MORC2: variants seen among roughly 807,000 people sequenced by gnomAD.
MORC2 encodes MORC family CW-type zinc finger 2, also known as ATPase MORC2.
In MORC2, 30 loss-of-function variants were observed where a neutral mutation model predicts 136.0. That is an observed-to-expected ratio of 0.22 (90% CI 0.17 to 0.30). The LOEUF (loss-of-function observed/expected upper bound fraction) is 0.30, where lower values mean the gene tolerates loss of function less well. MORC2 is among the 10% of genes least tolerant of loss of function. The pLI is 1.00. For missense variants in MORC2, 922 were observed against 1,333.1 expected (o/e 0.69, Z 4.80); for synonymous variants, 439 against 487.0 (o/e 0.90, Z 1.30).
chr22:30,926,855 G>GTGTTGA lies in MORC2; in HGVS notation c.3041_3046dup (p.Ile1014_Asn1015dup). The GTGTTGA allele has an allele frequency of 6.2e-7, 1 of 1,613,572 alleles. No homozygotes were observed. The highest frequency in any genetic ancestry group is 2.2e-5 in the East Asian group (1 of 44,798). ...AATGTAGGCGTCCAGCTCATCATCT[G>GTGTTGA]TGTTGATGTCTATGTCCTGGAATAG... On this transcript the variant is annotated inframe_insertion, in exon 26 of 26. Transcript: ENST00000397641.
In MORC2 at chr22:30,942,093, A is replaced by C. The variant is rs2040749900; in HGVS notation, c.586+19T>G. 6.2e-7 allele frequency: 1 copy of C among 1,612,252 alleles called. No individual in the cohort carries two copies. Among genetic ancestry groups the C allele is most frequent in the Non-Finnish European group, 8.5e-7 (1 of 1,178,422 alleles). On this transcript the variant is annotated intron_variant, in intron 7 of 25. Coordinates refer to ENST00000397641, the MANE Select transcript of MORC2 (RefSeq NM_001303256.3). ...GGAGCTCCCAGATTCTAGGGGCTAC[A>C]GGCTCAAAGCCTACTTACCGCTGTC...
Position 30,938,162 on chromosome 22 carries a change from T to A in MORC2, c.1117A>T (p.Asn373Tyr). 1 of 1,614,136 alleles carries A rather than the reference T, an allele frequency of 6.2e-7. No individual in the cohort carries two copies. Among genetic ancestry groups the A allele is most frequent in the Non-Finnish European group, 8.5e-7 (1 of 1,180,020 alleles). The change falls in exon 13 of 26, where the codon AAC becomes TAC. Residue 373 changes from asparagine (N) to tyrosine (Y), a missense_variant. Asn to Tyr is a moderately radical substitution (Grantham distance 143). Transcript: ENST00000397641. ...PKELNFVFGV[N>Y]IEHRDLDGMF... Reference sequence around the variant, plus strand: ...CCATCCAGATCCCGGTGTTCAATGTTGACACCAAAAACAAAATTCAGTTCC... The same window carrying A: ...CCATCCAGATCCCGGTGTTCAATGTAGACACCAAAAACAAAATTCAGTTCC...
intron 4 of MORC2, 40 bp downstream of exon 4, chr22:30,950,337 G>GCACA: frequency 1.3e-6 from 1 of 761,768 alleles, no homozygotes; most frequent in Non-Finnish European, 2.3e-6. Flanking sequence ...TGGTTACATC[G>GCACA]CACCCCCCCA....
Position 30,968,237 on chromosome 22 carries a change from G to C in MORC2, c.-348C>G. 5.2e-6 allele frequency: 1 copy of C among 193,702 alleles called. No individual in the cohort carries two copies. The highest frequency in any genetic ancestry group is 8.6e-5 in the South Asian group (1 of 11,690). The allele number at this position is 193,702 out of a possible 1,614,324, so 12.0% of individuals were successfully genotyped here. On this transcript the variant is annotated 5_prime_UTR_variant, in exon 1 of 26. Transcript: ENST00000397641. Reference sequence around the variant, plus strand: ...CCTGAAGGAGATGGTCCTTGAGTGGGTGGTTTATGACTGCTCCATCTTCAT... The same window carrying C: ...CCTGAAGGAGATGGTCCTTGAGTGGCTGGTTTATGACTGCTCCATCTTCAT...
In MORC2 at chr22:30,937,720, C is replaced by T. The variant is rs2040675294; in HGVS notation, c.1370-9G>A. On this transcript the variant is annotated splice_polypyrimidine_tract_variant and intron_variant, in intron 14 of 25. Coordinates refer to ENST00000397641, the MANE Select transcript of MORC2 (RefSeq NM_001303256.3). This position sits in a 1 kb window ranked among gnomAD's most constrained non-coding sequence, Gnocchi z 4.7. ...GATGATTCCCCTCTGGGCTGGAAAG[C>T]AAACACCGATACATCATGTTAGGAG... The T allele has an allele frequency of 6.2e-7, 1 of 1,614,110 alleles. No individual in the cohort carries two copies. The highest frequency in any genetic ancestry group is 8.5e-7 in the Non-Finnish European group (1 of 1,180,012).
chr22:30,934,323 G>A lies in MORC2; in HGVS notation c.2194-132C>T, dbSNP rs2040621591. 1 of 1,320,484 alleles carries A rather than the reference G, an allele frequency of 7.6e-7. No homozygotes were observed. Among genetic ancestry groups the A allele is most frequent in the Non-Finnish European group, 1.0e-6 (1 of 971,172 alleles). 81.8% of individuals were successfully genotyped at this position (1,320,484 alleles called of 1,614,324 possible). Reference sequence around the variant, plus strand: ...TGCAATCCCTGCCTGACATTACTTGGAATGTACACAGGCAACCCACTGGCC... The same window carrying A: ...TGCAATCCCTGCCTGACATTACTTGAAATGTACACAGGCAACCCACTGGCC... On this transcript the variant is annotated intron_variant, in intron 19 of 25. Transcript: ENST00000397641. This position sits in a 1 kb window ranked among gnomAD's most constrained non-coding sequence, Gnocchi z 4.4.
At chr22:30,947,106 G>A (rs949498622) in intron 5 of MORC2, among the ~76,000 whole-genome samples, 9 of 152,238 alleles carry the variant, frequency 5.9e-5, no homozygotes, top group African/African-American at 2.2e-4. Flanking sequence ...AAGGATGCCT[G>A]TAATTAGCTC....
At chr22:30,943,090 T>C (rs1461357772) in intron 6 of MORC2, among the ~76,000 whole-genome samples, 2 of 152,172 alleles carry the variant, frequency 1.3e-5, no homozygotes, top group Non-Finnish European at 2.9e-5. Context: ...TATATAGTGA[T>C]ACAAATGAAC....
At position 30,936,961 on chromosome 22, in the gene MORC2, G is replaced by A. The variant is rs1383807640; in HGVS notation, c.1575C>T (p.Cys525=). The A allele has an allele frequency of 2.5e-6, 4 of 1,614,100 alleles. No homozygotes were observed. The highest frequency in any genetic ancestry group is 1.7e-5 in the Admixed American group (1 of 60,022). ...CCTGTTCAGGATCAGGGTTCATGGA[G>A]CAAACCCAGGTGTCAGGGTAATCTT... ...VEKDYPDTWV[C]SMNPDPEQDR... Residue 525 remains cysteine, a synonymous_variant, in exon 16 of 26, where the codon TGC becomes TGT. Coordinates refer to ENST00000397641, the MANE Select transcript of MORC2 (RefSeq NM_001303256.3).
In MORC2 at chr22:30,933,044, CAG is replaced by C; in HGVS notation, c.2381-16_2381-15del. ...GCAGCCCTTTATCTGACAATGTAGA[CAG>C]AGGTGCGAGTCAGAAAACTAGCGTA... is the stretch of plus-strand genomic sequence containing the variant. On this transcript the variant is annotated splice_polypyrimidine_tract_variant and intron_variant, in intron 21 of 25. Transcript: ENST00000397641. 6.2e-7 allele frequency: 1 copy of C among 1,613,414 alleles called. No homozygotes were observed. The highest frequency in any genetic ancestry group is 8.5e-7 in the Non-Finnish European group (1 of 1,179,946).
At chr22:30,942,051 A>C in intron 7 of MORC2, 49 bp from the exon 8 acceptor site, 1 of 1,609,854 alleles carries the variant, frequency 6.2e-7, no homozygotes, top group Non-Finnish European at 8.5e-7. Flanking sequence ...GCCCACCCCC[A>C]CACTACTTGT....
intron 12 of MORC2, among the ~76,000 whole-genome samples, chr22:30,938,424 G>A (rs1474510009): frequency 6.6e-6 from 1 of 152,094 alleles, no homozygotes; most frequent in Non-Finnish European, 1.5e-5. Context: ...TTGGCAACAG[G>A]GATGGTTGCC....
intron 1 of MORC2, among the ~76,000 whole-genome samples, chr22:30,962,217 A>AAAG (rs2041057658): frequency 6.6e-6 from 1 of 151,642 alleles, no homozygotes; most frequent in Non-Finnish European, 1.5e-5. Flanking sequence ...CAAAAAAAAA[A>AAAG]AAAGAAAGAA....
intron 1 of MORC2, among the ~76,000 whole-genome samples, chr22:30,962,414 A>G (rs2041060689): frequency 6.6e-6 from 1 of 151,748 alleles, no homozygotes; most frequent in Admixed American, 6.6e-5. Context: ...AAGTAGAGAA[A>G]TAAAAATAAA....
intron 1 of MORC2, among the ~76,000 whole-genome samples, chr22:30,962,216 A>AG (rs2041057490): frequency 6.6e-6 from 1 of 151,712 alleles, no homozygotes; most frequent in Non-Finnish European, 1.5e-5. Context: ...TCAAAAAAAA[A>AG]AAAAGAAAGA....
intron 1 of MORC2, among the ~76,000 whole-genome samples, chr22:30,959,413 G>A (rs999852006): frequency 2.6e-5 from 4 of 152,192 alleles, no homozygotes; most frequent in African/African-American, 7.2e-5. Context: ...CATAAAATGA[G>A]TTATTCTCTT....
intron 1 of MORC2, chr22:30,967,300 A>G (rs1306384076): frequency 1.5e-5 from 15 of 987,200 alleles, no homozygotes; most frequent in Non-Finnish European, 1.8e-5. Context: ...CCTGTTTAGC[A>G]TATACAAATA....
In MORC2 at chr22:30,934,027, A is replaced by G. The variant is rs2147245749; in HGVS notation, c.2325+33T>C. ...GGTGGGGGCTGCAGGCCCTAGAGAG[A>G]GAGGCTTTGAGAACCTCACCTCAAC... is the stretch of plus-strand genomic sequence containing the variant. On this transcript the variant is annotated intron_variant, in intron 20 of 25. Transcript: ENST00000397641. The surrounding 1 kb of genome is among the most constrained non-coding windows in gnomAD (Gnocchi z 4.4). The G allele has an allele frequency of 6.2e-7, 1 of 1,612,902 alleles. No individual in the cohort carries two copies. Among genetic ancestry groups the G allele is most frequent in the Non-Finnish European group, 8.5e-7 (1 of 1,179,302 alleles).
rs2040655936 is a variant in MORC2 at position 30,936,622 on chromosome 22, C to A, written c.1626G>T (p.Lys542Asn). 2.5e-6 allele frequency: 4 copies of A among 1,614,142 alleles called. No homozygotes were observed. The highest frequency in any genetic ancestry group is 3.4e-6 in the Non-Finnish European group (4 of 1,180,034). The change falls in exon 17 of 26, where the codon AAG becomes AAT. Residue 542 changes from lysine (K) to asparagine (N), a missense_variant. Lys to Asn is a moderately conservative substitution (Grantham distance 94). Transcript: ENST00000397641. ...TGAATGTTCCCAGGGGAACCTTCTG[C>A]TTTTGTTCAGAAGCCTCACACCTGT... Reference protein sequence around the residue: ...EQDRCEASEQKQKVPLGTFRK... With the variant: ...EQDRCEASEQNQKVPLGTFRK...
Sources: gnomAD v4.1 joint callset for allele counts (sites outside exome capture counted in the v4.1 genomes callset) on GRCh38, gnomAD v4.1.1 for gene constraint, Gnocchi (gnomAD v3.1) non-coding constraint, MANE v1.5 for transcripts, NCBI Gene and HGNC (gene_info 2026-07-23, HGNC 2026-07-21) for gene names.